PDE10A: variants seen among roughly 807,000 people sequenced by gnomAD.
PDE10A encodes cAMP and cAMP-inhibited cGMP 3',5'-cyclic phosphodiesterase 10A.
PDE10A carries 39 observed loss-of-function variants against 97.7 expected under a neutral mutation model. That is an observed-to-expected ratio of 0.40 (90% CI 0.31 to 0.52). PDE10A has a LOEUF of 0.52. PDE10A is among the 20% of genes least tolerant of loss of function. The pLI is 0.56. For synonymous variants in PDE10A, 371 were observed against 376.8 expected, an observed-to-expected ratio of 0.98 and a Z score of 0.18; for missense variants, 731 against 1,047.8, an observed-to-expected ratio of 0.70 and a Z score of 4.17.
intron 1 of PDE10A, among the ~76,000 whole-genome samples, chr6:165,617,275 A>G (rs1190246404): frequency 6.6e-6 from 1 of 152,218 alleles, no homozygotes; most frequent in Non-Finnish European, 1.5e-5. Context: ...CAATGCCTAA[A>G]AATCAGAAAG....
At chr6:165,459,542 C>G (rs867463980) in intron 3 of PDE10A, among the ~76,000 whole-genome samples, 1 of 125,806 alleles carries the variant, frequency 7.9e-6, no homozygotes, top group Non-Finnish European at 1.7e-5. Context: ...GACAGACAGA[C>G]AGACAGACAG....
At chr6:165,968,204 C>A (rs901097392) in intron 1 of PDE10A, among the ~76,000 whole-genome samples, 3 of 152,206 alleles carry the variant, frequency 2.0e-5, no homozygotes, top group Non-Finnish European at 4.4e-5. Flanking sequence ...GATGACTCAT[C>A]AAGAGGCATG....
intron 2 of PDE10A, among the ~76,000 whole-genome samples, chr6:165,497,569 G>C (rs977560760): frequency 1.3e-5 from 2 of 152,142 alleles, no homozygotes; most frequent in African/African-American, 4.8e-5. Context: ...GTTCAAGAAA[G>C]TCATCATGAC....
At chr6:165,521,800 G>A (rs180887417) in intron 2 of PDE10A, among the ~76,000 whole-genome samples, 1 of 152,310 alleles carries the variant, frequency 6.6e-6, no homozygotes, top group Admixed American at 6.5e-5. Flanking sequence ...GAAGCAGGAA[G>A]AGCTGATATA....
chr6:165,807,524 T>C (rs1779172092), intron 1 of PDE10A, among the ~76,000 whole-genome samples: 1 of 152,000 alleles, frequency 6.6e-6, no homozygotes, highest in Non-Finnish European at 1.5e-5. Context: ...AAAGGGAAGG[T>C]TGAGAGCCTG....
intron 1 of PDE10A, among the ~76,000 whole-genome samples, chr6:165,917,705 G>A (rs1782645345): frequency 6.6e-6 from 1 of 152,258 alleles, no homozygotes; most frequent in Non-Finnish European, 1.5e-5. Flanking sequence ...GGCTGGGCAA[G>A]TGATGAGTCC....
intron 1 of PDE10A, among the ~76,000 whole-genome samples, chr6:165,977,845 T>C (rs1784895264): frequency 6.6e-6 from 1 of 152,224 alleles, no homozygotes; most frequent in African/African-American, 2.4e-5. Flanking sequence ...ACTACTCAAA[T>C]GTCCACCAAT....
intron 1 of PDE10A, among the ~76,000 whole-genome samples, chr6:165,686,405 T>G (rs1376954245): frequency 2.0e-5 from 3 of 151,950 alleles, no homozygotes; most frequent in Non-Finnish European, 4.4e-5. Context: ...TTGCAGCGCT[T>G]GTTGTTGTTG....
At chr6:165,621,878 T>C (rs1322011539) in intron 1 of PDE10A, among the ~76,000 whole-genome samples, 5 of 152,202 alleles carry the variant, frequency 3.3e-5, no homozygotes, top group African/African-American at 4.8e-5. Context: ...CTGTGATGGT[T>C]AACTCTATAA....
At chr6:165,742,907 T>C (rs1212255621) in intron 1 of PDE10A, among the ~76,000 whole-genome samples, 1 of 152,220 alleles carries the variant, frequency 6.6e-6, no homozygotes, top group East Asian at 1.9e-4. Flanking sequence ...TGATTTGTTC[T>C]GAGCACCCAG....
chr6:165,402,453 T>A (rs1025003225), intron 13 of PDE10A, among the ~76,000 whole-genome samples: 1 of 152,162 alleles, frequency 6.6e-6, no homozygotes, highest in Admixed American at 6.5e-5. Context: ...CTAGGATTAT[T>A]AGTAGATGAT....
intron 1 of PDE10A, among the ~76,000 whole-genome samples, chr6:165,851,463 G>A (rs529175136): frequency 2.3e-4 from 35 of 152,268 alleles, no homozygotes; most frequent in African/African-American, 6.7e-4. Context: ...CACATATTAC[G>A]TGCTAGACAC....
rs552232386 is a variant in PDE10A, at chr6:165,408,948, G to A, written c.2076+4553C>T. ...TGGGAGGCCGAGGCGGGCGGATCACGAGGTCAGGAGATCGAGACCACCCTG... is the reference window on the plus strand; with the variant it reads ...TGGGAGGCCGAGGCGGGCGGATCACAAGGTCAGGAGATCGAGACCACCCTG... On this transcript the variant is annotated intron_variant, in intron 13 of 21. Coordinates refer to ENST00000539869, the MANE Select transcript of PDE10A (RefSeq NM_001385079.1). Among the ~76,000 whole-genome samples the A allele has an allele frequency of 7.1e-5, 10 of 140,880 alleles. No individual in the cohort carries two copies. The East Asian group carries it at 1.9e-3, about 27-fold the overall frequency. The allele number at this position is 140,880 out of a possible 152,430, so 92.4% of individuals were successfully genotyped here. A position where few individuals can be genotyped will look rare whatever the true frequency, so the allele number is the denominator to read the frequency against.
At chr6:165,383,014 T>C (rs542696025) in intron 17 of PDE10A, among the ~76,000 whole-genome samples, 12 of 152,270 alleles carry the variant, frequency 7.9e-5, no homozygotes, top group African/African-American at 2.6e-4. Flanking sequence ...TGCAGACGAA[T>C]TGGAAGAACT....
At chr6:165,926,260 G>A (rs940099924) in intron 1 of PDE10A, among the ~76,000 whole-genome samples, 1 of 152,166 alleles carries the variant, frequency 6.6e-6, no homozygotes, top group African/African-American at 2.4e-5. Context: ...CACTGATAAA[G>A]CCAGTTCTAG....
intron 2 of PDE10A, among the ~76,000 whole-genome samples, chr6:165,496,351 C>G (rs764781087): frequency 3.6e-4 from 55 of 152,174 alleles, no homozygotes; most frequent in Non-Finnish European, 1.3e-4. Context: ...CAGAATACGA[C>G]AGAAATAAGG....
At chr6:165,731,543 G>A (rs893569681) in intron 1 of PDE10A, among the ~76,000 whole-genome samples, 2 of 152,198 alleles carry the variant, frequency 1.3e-5, no homozygotes, top group Non-Finnish European at 2.9e-5. Context: ...AGAAGAGTGA[G>A]GAAGGGGCAG....
At chr6:165,714,520 G>A (rs1303471648) in intron 1 of PDE10A, among the ~76,000 whole-genome samples, 1 of 152,198 alleles carries the variant, frequency 6.6e-6, no homozygotes, top group African/African-American at 2.4e-5. Context: ...ATTCAAGGCT[G>A]GTAGGTGATG....
intron 13 of PDE10A, among the ~76,000 whole-genome samples, chr6:165,398,497 CT>C (rs140444366): frequency 0.27 from 37,206 of 136,152 alleles, 5,335 homozygotes; most frequent in Middle Eastern, 0.35. Context: ...CTCTCTCTCT[CT>C]CAAAAAAAAA....
Sources: gnomAD v4.1 joint callset for allele counts (sites outside exome capture counted in the v4.1 genomes callset) on GRCh38, gnomAD v4.1.1 for gene constraint, MANE v1.5 for transcripts, NCBI Gene and HGNC (gene_info 2026-07-23, HGNC 2026-07-21) for gene names.